The following NOS1AP variants were observed in gnomAD, a reference collection of about 807,000 sequenced individuals.
The protein encoded by NOS1AP is carboxyl-terminal PDZ ligand of neuronal nitric oxide synthase protein.
NOS1AP carries 21 observed loss-of-function variants against 56.2 expected under a neutral mutation model. That is an observed-to-expected ratio of 0.37 (90% CI 0.26 to 0.54). The LOEUF is 0.54. Ranked by LOEUF, NOS1AP falls within the 20% of genes least tolerant of loss-of-function variation. The pLI, the probability that NOS1AP is intolerant of heterozygous loss-of-function variation, is 0.84. For synonymous variants in NOS1AP, 270 were observed against 274.6 expected, an observed-to-expected ratio of 0.98 and a Z score of 0.17; for missense variants, 522 against 657.8, an observed-to-expected ratio of 0.79 and a Z score of 2.26.
chr1:162,289,469 C>CTTTTTTT (rs60010458), intron 3 of NOS1AP, among the ~76,000 whole-genome samples: 2 of 85,442 alleles, frequency 2.3e-5, no homozygotes, highest in African/African-American at 1.0e-4. Context: ...AGCTACTTTT[C>CTTTTTTT]TTTTTTTTTT....
chr1:162,290,620 A>G (rs1655258307), intron 3 of NOS1AP, among the ~76,000 whole-genome samples: 1 of 152,218 alleles, frequency 6.6e-6, no homozygotes. Context: ...AGAGAGAGCC[A>G]TAGCCTATAT....
chr1:162,207,435 G>A (rs770342471), intron 2 of NOS1AP, among the ~76,000 whole-genome samples: 17 of 152,256 alleles, frequency 1.1e-4, no homozygotes, highest in Admixed American at 3.3e-4. Flanking sequence ...CCAGGTTAGT[G>A]TGGGAACAGC....
rs184706657 is a variant in NOS1AP at position 162,294,342 on chromosome 1, C to G, written c.271-6291C>G. Among the ~76,000 whole-genome samples the G allele has an allele frequency of 5.1e-4, 77 of 152,300 alleles. 1 individual carries two copies. Among genetic ancestry groups the G allele is most frequent in the Middle Eastern group, 3.4e-3 (1 of 294 alleles). ...AAGTTGTCTGTCGGGATCCCCACAT[C>G]TCCCAGGGACGGGCCTGCCTTAGTA... On this transcript the variant is annotated intron_variant, in intron 3 of 9. Coordinates refer to ENST00000361897, the MANE Select transcript of NOS1AP (RefSeq NM_014697.3).
At chr1:162,260,695 C>G (rs1163001278) in intron 2 of NOS1AP, among the ~76,000 whole-genome samples, 1 of 152,154 alleles carries the variant, frequency 6.6e-6, no homozygotes, top group African/African-American at 2.4e-5. Flanking sequence ...TCTTAGTGAT[C>G]ACACCCACCT....
chr1:162,124,843 A>C (rs555395115), intron 1 of NOS1AP, among the ~76,000 whole-genome samples: 47 of 152,180 alleles, frequency 3.1e-4, no homozygotes, highest in African/African-American at 1.1e-3. Flanking sequence ...TATTTTCTTT[A>C]TCTACTCATC....
At chr1:162,264,029 C>T (rs1487949122) in intron 2 of NOS1AP, among the ~76,000 whole-genome samples, 3 of 152,182 alleles carry the variant, frequency 2.0e-5, no homozygotes, top group African/African-American at 7.2e-5. Context: ...ATTACAGTAG[C>T]CTCCGAATGG....
chr1:162,151,050 G>A (rs1649684980), intron 1 of NOS1AP, among the ~76,000 whole-genome samples: 1 of 152,200 alleles, frequency 6.6e-6, no homozygotes, highest in Non-Finnish European at 1.5e-5. Context: ...CCAATGTCCT[G>A]GAGAGTTTCC....
At chr1:162,175,490 G>A (rs1420216206) in intron 2 of NOS1AP, among the ~76,000 whole-genome samples, 3 of 152,086 alleles carry the variant, frequency 2.0e-5, no homozygotes, top group East Asian at 1.9e-4. Context: ...TTTTGAGCAC[G>A]TTTTAACTTT....
chr1:162,365,381 C>T (rs377710308), intron 8 of NOS1AP, 23 bp from the exon 9 acceptor site: 29 of 1,613,962 alleles, frequency 1.8e-5, no homozygotes, highest in Non-Finnish European at 2.3e-5. Flanking sequence ...CCTGTCTTCT[C>T]TGCCGCTGCC....
chr1:162,125,417 A>C (rs1302955671), intron 1 of NOS1AP, among the ~76,000 whole-genome samples: 1 of 152,176 alleles, frequency 6.6e-6, no homozygotes, highest in Admixed American at 6.5e-5. Context: ...TACAGGCATG[A>C]GCCACCGCGC....
At chr1:162,155,292 A>G (rs1649907903) in intron 2 of NOS1AP, among the ~76,000 whole-genome samples, 1 of 145,800 alleles carries the variant, frequency 6.9e-6, no homozygotes, top group African/African-American at 2.5e-5. Flanking sequence ...ATATATACAT[A>G]TATATGTATA....
chr1:162,287,110 G>T (rs115695344), intron 2 of NOS1AP, among the ~76,000 whole-genome samples: 269 of 152,232 alleles, frequency 1.8e-3, no homozygotes, highest in African/African-American at 6.1e-3. Flanking sequence ...ATCTCATGAG[G>T]GTAGCTAGCT....
intron 3 of NOS1AP, among the ~76,000 whole-genome samples, chr1:162,299,269 G>A (rs1191691989): frequency 1.4e-5 from 2 of 142,908 alleles, no homozygotes; most frequent in African/African-American, 2.5e-5. Flanking sequence ...TTAAAAGGCT[G>A]TGTCTCTATG....
chr1:162,232,771 A>C (rs1653164015), intron 2 of NOS1AP, among the ~76,000 whole-genome samples: 1 of 152,046 alleles, frequency 6.6e-6, no homozygotes, highest in Admixed American at 6.6e-5. Flanking sequence ...TTATGTACCT[A>C]TTATGTACCT....
At chr1:162,206,322 G>A (rs186010454) in intron 2 of NOS1AP, among the ~76,000 whole-genome samples, 2 of 152,246 alleles carry the variant, frequency 1.3e-5, no homozygotes, top group East Asian at 3.9e-4. Context: ...GACTCTATGG[G>A]TTAGTCGGAT....
chr1:162,184,611 C>G (rs1357571996), intron 2 of NOS1AP, among the ~76,000 whole-genome samples: 1 of 152,184 alleles, frequency 6.6e-6, no homozygotes, highest in Non-Finnish European at 1.5e-5. Flanking sequence ...AAGAGCCTGA[C>G]TCCAGCACTT....
intron 4 of NOS1AP, among the ~76,000 whole-genome samples, chr1:162,314,783 G>C (rs1171316080): frequency 6.6e-6 from 1 of 152,128 alleles, no homozygotes; most frequent in Non-Finnish European, 1.5e-5. Context: ...CCAGAGTCCT[G>C]CATGTTTATG....
At chr1:162,190,480 A>C (rs1651589162) in intron 2 of NOS1AP, among the ~76,000 whole-genome samples, 1 of 152,088 alleles carries the variant, frequency 6.6e-6, no homozygotes, top group South Asian at 2.1e-4. Flanking sequence ...GATTTTATTT[A>C]TTTTTAATTG....
chr1:162,352,063 CT>C (rs35244913), intron 6 of NOS1AP, among the ~76,000 whole-genome samples: 71,145 of 149,720 alleles, frequency 0.48, 17,651 homozygotes, highest in Non-Finnish European at 0.57. Context: ...TCTTCGTCCT[CT>C]TTTTTTTTTT....
Sources: allele counts gnomAD v4.1 joint callset (sites outside exome capture counted in the v4.1 genomes callset), GRCh38; gene constraint gnomAD v4.1.1; transcripts MANE v1.5; gene names NCBI Gene and HGNC (gene_info 2026-07-23, HGNC 2026-07-21).